SV2C: variants seen among roughly 807,000 people sequenced by gnomAD.
SV2C encodes the protein solute carrier family 22 member B3.
SV2C carries 49 observed loss-of-function variants against 79.7 expected under a neutral mutation model. The ratio of observed to expected loss-of-function variants is 0.61; its 90% CI spans 0.49 to 0.78. The LOEUF (loss-of-function observed/expected upper bound fraction) is 0.78, where lower values mean the gene tolerates loss of function less well. SV2C is among the 30% of genes least tolerant of loss of function. The probability of loss-of-function intolerance (pLI) is 0.00; values close to 1 mark genes in which losing one functional copy is unlikely to be tolerated. For synonymous variants in SV2C, 334 were observed against 333.2 expected (o/e 1.00, Z -0.03); for missense variants, 833 against 912.9 (o/e 0.91, Z 1.13).
chr5:75,922,382 ATAAAAT>A, the SV2C span, among the ~76,000 whole-genome samples: 1 of 152,160 alleles, frequency 6.6e-6, no homozygotes, highest in Non-Finnish European at 1.5e-5. Context: ...TTTAAAATTA[ATAAAAT>A]TAAATAAAAA....
At chr5:76,305,402 G>T (rs375587816) in intron 12 of SV2C, among the ~76,000 whole-genome samples, 12 of 152,270 alleles carry the variant, frequency 7.9e-5, no homozygotes, top group African/African-American at 2.9e-4. Flanking sequence ...GAATCATTTT[G>T]TATTCCTCCA....
At chr5:75,881,249 C>T in the SV2C span, among the ~76,000 whole-genome samples, 3 of 152,114 alleles carry the variant, frequency 2.0e-5, no homozygotes, top group Non-Finnish European at 4.4e-5. Flanking sequence ...CACCTAATTC[C>T]TCAATTAATC....
the SV2C span, among the ~76,000 whole-genome samples, chr5:75,879,211 C>T: frequency 1.3e-5 from 2 of 152,226 alleles, no homozygotes; most frequent in East Asian, 1.9e-4. Flanking sequence ...TATCATTCTG[C>T]CCCAGGCCCA....
the SV2C span, among the ~76,000 whole-genome samples, chr5:75,912,246 G>A: frequency 6.6e-6 from 1 of 152,182 alleles, no homozygotes; most frequent in Non-Finnish European, 1.5e-5. Context: ...GAACAAATCT[G>A]TCTTTGACTT....
chr5:75,853,317 G>C, the SV2C span, among the ~76,000 whole-genome samples: 3 of 152,112 alleles, frequency 2.0e-5, no homozygotes. Flanking sequence ...AGCACTTTGG[G>C]AGGCGGAGGC....
At chr5:76,252,901 G>T (rs1746156655) in intron 4 of SV2C, among the ~76,000 whole-genome samples, 1 of 151,870 alleles carries the variant, frequency 6.6e-6, no homozygotes, top group African/African-American at 2.4e-5. Context: ...GCCAATTGGG[G>T]AAAAAACCCT....
intron 4 of SV2C, among the ~76,000 whole-genome samples, chr5:76,237,439 G>A (rs1317861809): frequency 2.0e-5 from 3 of 152,008 alleles, no homozygotes; most frequent in East Asian, 1.9e-4. Context: ...ACATTTCTCC[G>A]AGAGTTCTTG....
chr5:76,327,941 A>G lies in SV2C; in HGVS notation c.*2394A>G, dbSNP rs1336158071. 2 of 152,192 alleles carry G rather than the reference A, an allele frequency of 1.3e-5. No homozygotes were observed. The highest frequency in any genetic ancestry group is 2.9e-5 in the Non-Finnish European group (2 of 68,072). The allele number at this position is 152,192 out of a possible 1,614,324, so 9.4% of individuals were successfully genotyped here. On this transcript the variant is annotated 3_prime_UTR_variant, in exon 13 of 13. Transcript: ENST00000502798. ...AAGGACCGTTCTTGGCCTACTTGTT[A>G]CCTAATCCAAGCATCCTTGGTGGCC...
At chr5:75,911,059 A>G in the SV2C span, 2 of 1,231,606 alleles carry the variant, frequency 1.6e-6, no homozygotes, top group East Asian at 4.7e-5. Context: ...CTGTCGCAAC[A>G]ACTGAAGATC....
the SV2C span, among the ~76,000 whole-genome samples, chr5:75,979,655 A>G: frequency 6.6e-6 from 1 of 151,958 alleles, no homozygotes; most frequent in South Asian, 2.1e-4. Flanking sequence ...TTAAGGCAGA[A>G]ATCAAGAAGT....
chr5:76,272,663 T>A (rs1277353886), intron 4 of SV2C, among the ~76,000 whole-genome samples: 2 of 152,212 alleles, frequency 1.3e-5, no homozygotes, highest in Admixed American at 6.5e-5. Flanking sequence ...AGATCTATAC[T>A]TGAAAGGACC....
At chr5:76,254,234 G>A (rs1746201833) in intron 4 of SV2C, among the ~76,000 whole-genome samples, 1 of 148,306 alleles carries the variant, frequency 6.7e-6, no homozygotes, top group Admixed American at 6.7e-5. Context: ...ATATATATGT[G>A]TGTGTGTATA....
intron 2 of SV2C, among the ~76,000 whole-genome samples, chr5:76,186,736 G>A (rs1233107335): frequency 6.6e-6 from 1 of 152,024 alleles, no homozygotes; most frequent in African/African-American, 2.4e-5. Context: ...GTTCCACAGG[G>A]ATGGGGAGGC....
chr5:76,225,977 T>C (rs1388789812), intron 4 of SV2C, among the ~76,000 whole-genome samples: 1 of 152,204 alleles, frequency 6.6e-6, no homozygotes, highest in African/African-American at 2.4e-5. Flanking sequence ...ATCTCTGGTC[T>C]GGGGTAAGAG....
At chr5:76,035,512 G>A in the SV2C span, among the ~76,000 whole-genome samples, 2 of 152,236 alleles carry the variant, frequency 1.3e-5, no homozygotes, top group East Asian at 1.9e-4. Flanking sequence ...TATGTACCCA[G>A]TAGTCATTCA....
At chr5:76,129,953 T>C (rs1351404091) in intron 1 of SV2C, among the ~76,000 whole-genome samples, 1 of 151,786 alleles carries the variant, frequency 6.6e-6, no homozygotes, top group Non-Finnish European at 1.5e-5. Flanking sequence ...AATATTCAGA[T>C]TTTCTGTTAA....
At chr5:75,906,448 T>C in the SV2C span, among the ~76,000 whole-genome samples, 1 of 151,736 alleles carries the variant, frequency 6.6e-6, no homozygotes, top group African/African-American at 2.4e-5. Context: ...TTTTTTTTTT[T>C]CCTAATCATG....
chr5:75,866,172 C>T, the SV2C span, among the ~76,000 whole-genome samples: 1 of 152,140 alleles, frequency 6.6e-6, no homozygotes, highest in South Asian at 2.1e-4. Context: ...AACACGTTTA[C>T]TTCAACTGCC....
intron 2 of SV2C, among the ~76,000 whole-genome samples, chr5:76,179,157 G>T (rs1304940961): frequency 6.6e-6 from 1 of 152,192 alleles, no homozygotes; most frequent in Admixed American, 6.5e-5. Flanking sequence ...AGTAGTCTGG[G>T]TGTCTTCACT....
Sources: allele counts gnomAD v4.1 joint callset (sites outside exome capture counted in the v4.1 genomes callset), GRCh38; gene constraint gnomAD v4.1.1; transcripts MANE v1.5; gene names NCBI Gene and HGNC (gene_info 2026-07-23, HGNC 2026-07-21).